Variants in P2RX3 observed in about 807,000 individuals in gnomAD.
The protein encoded by P2RX3 is P2X purinoceptor 3.
Under a neutral mutation model 51.5 loss-of-function variants are expected in P2RX3, and 41 were observed. The observed-to-expected ratio is 0.80, with a 90% CI of 0.62 to 1.03. P2RX3 has a LOEUF of 1.03. Ranked by LOEUF, P2RX3 falls within the 50% of genes least tolerant of loss-of-function variation. The pLI, the probability that P2RX3 is intolerant of heterozygous loss-of-function variation, is 0.00. For synonymous variants in P2RX3, 185 were observed against 191.6 expected, an observed-to-expected ratio of 0.97 and a Z score of 0.29; for missense variants, 459 against 522.1, an observed-to-expected ratio of 0.88 and a Z score of 1.18.
intron 8 of P2RX3, among the ~76,000 whole-genome samples, chr11:57,366,374 T>A (rs1246333435): frequency 6.6e-6 from 1 of 152,146 alleles, no homozygotes; most frequent in Admixed American, 6.5e-5. Flanking sequence ...CACTAACCCC[T>A]GTTTGTGGTG....
At chr11:57,349,251 A>G (rs1273921393) in intron 6 of P2RX3, among the ~76,000 whole-genome samples, 1 of 151,180 alleles carries the variant, frequency 6.6e-6, no homozygotes, top group Non-Finnish European at 1.5e-5. Flanking sequence ...TCACGAGGTC[A>G]GGAGTTTGCG....
At chr11:57,356,519 T>A (rs1426195363) in intron 8 of P2RX3, among the ~76,000 whole-genome samples, 1 of 152,240 alleles carries the variant, frequency 6.6e-6, no homozygotes, top group Non-Finnish European at 1.5e-5. Flanking sequence ...TAGGTGTTTC[T>A]AGTGATCGTT....
rs1466239767 is a variant in P2RX3, at chr11:57,371,672, G to A, written c.*1675G>A. Among the ~76,000 whole-genome samples the A allele has an allele frequency of 6.6e-6, 1 of 152,230 alleles. No individual in the cohort carries two copies. Among genetic ancestry groups the A allele is most frequent in the Non-Finnish European group, 1.5e-5 (1 of 68,036 alleles). ...TAACCCACAGCCCCATGCCCAGGAT[G>A]GTGGGGCATATCTCCCCAGGGTCAG... On this transcript the variant is annotated 3_prime_UTR_variant, in exon 12 of 12. Coordinates refer to ENST00000263314, the MANE Select transcript of P2RX3 (RefSeq NM_002559.5).
At chr11:57,359,292 G>A (rs867921208) in intron 8 of P2RX3, among the ~76,000 whole-genome samples, 8 of 152,004 alleles carry the variant, frequency 5.3e-5, no homozygotes, top group African/African-American at 1.2e-4. Flanking sequence ...TGCCAGTGCC[G>A]CCCATTGACC....
At position 57,350,789 on chromosome 11, in the gene P2RX3, T is replaced by C; in HGVS notation, c.733T>C (p.Trp245Arg). The change falls in exon 8 of 12, where the codon TGG becomes CGG. Residue 245 changes from tryptophan to arginine, a missense_variant. By Grantham distance (101) the Trp-to-Arg change is moderately radical (BLOSUM62 -3). Transcript: ENST00000263314. ...TGGVLGIKIGWVCDLDKAWDQ... is the reference protein window; with the variant it reads ...TGGVLGIKIGRVCDLDKAWDQ... Reference sequence around the variant, plus strand: ...GGGAGTTCTGGGCATTAAGATCGGCTGGGTGTGCGACTTGGACAAGGCCTG... The same window carrying C: ...GGGAGTTCTGGGCATTAAGATCGGCCGGGTGTGCGACTTGGACAAGGCCTG... 6.2e-7 allele frequency: 1 copy of C among 1,613,828 alleles called. No homozygotes were observed. The highest frequency in any genetic ancestry group is 8.5e-7 in the Non-Finnish European group (1 of 1,179,956).
chr11:57,356,623 C>G (rs986237943), intron 8 of P2RX3, among the ~76,000 whole-genome samples: 1 of 152,196 alleles, frequency 6.6e-6, no homozygotes, highest in South Asian at 2.1e-4. Flanking sequence ...TCAGCAAGAT[C>G]TTAGGCCAAT....
chr11:57,346,861 A>G (rs975540000), intron 2 of P2RX3, among the ~76,000 whole-genome samples, 182 bp downstream of exon 2: 1 of 152,234 alleles, frequency 6.6e-6, no homozygotes, highest in African/African-American at 2.4e-5. Context: ...GGTGCTGGGC[A>G]TCAGGAAAGC....
chr11:57,350,953 A>T (rs960002614), intron 8 of P2RX3, 55 bp downstream of exon 8: 78 of 1,611,132 alleles, frequency 4.8e-5, no homozygotes, highest in Non-Finnish European at 6.3e-5. Context: ...TGTTAACGGC[A>T]ATGTTTATTG....
intron 8 of P2RX3, among the ~76,000 whole-genome samples, chr11:57,355,112 G>A (rs1168478093): frequency 2.0e-5 from 3 of 152,192 alleles, no homozygotes; most frequent in African/African-American, 4.8e-5. Flanking sequence ...AGGGCAGGGC[G>A]AGGAAGGGAG....
Position 57,338,476 on chromosome 11 carries a change from C to T in P2RX3, c.-75C>T. ...CCCTCCAGGTCGTGATCTCGTCTCC[C>T]TGTCCTGTAGGACCTCCCTCTCCTG... On this transcript the variant is annotated 5_prime_UTR_variant, in exon 1 of 12. Coordinates refer to ENST00000263314, the MANE Select transcript of P2RX3 (RefSeq NM_002559.5). 9.8e-7 allele frequency: 1 copy of T among 1,016,542 alleles called. No individual in the cohort carries two copies. The highest frequency in any genetic ancestry group is 1.5e-6 in the Non-Finnish European group (1 of 668,546). 63.0% of individuals were successfully genotyped at this position (1,016,542 alleles called of 1,614,324 possible). A position where few individuals can be genotyped will look rare whatever the true frequency, so the allele number is the denominator to read the frequency against.
At chr11:57,360,460 A>G (rs1333399046) in intron 8 of P2RX3, among the ~76,000 whole-genome samples, 1 of 151,926 alleles carries the variant, frequency 6.6e-6, no homozygotes, top group Admixed American at 6.6e-5. Flanking sequence ...CATTTACTCA[A>G]CCCCCTACTG....
chr11:57,352,978 T>C (rs545278483), intron 8 of P2RX3, among the ~76,000 whole-genome samples: 2 of 152,256 alleles, frequency 1.3e-5, no homozygotes, highest in East Asian at 3.9e-4. Flanking sequence ...AGCCCTGACA[T>C]TGGGGGACAT....
At chr11:57,344,628 G>A (rs1005153874) in intron 1 of P2RX3, among the ~76,000 whole-genome samples, 1 of 152,210 alleles carries the variant, frequency 6.6e-6, no homozygotes, top group Non-Finnish European at 1.5e-5. Context: ...GAGCCCGGGA[G>A]GCAGAGGTTG....
At chr11:57,339,617 G>A (rs1856300987) in intron 1 of P2RX3, among the ~76,000 whole-genome samples, 1 of 152,156 alleles carries the variant, frequency 6.6e-6, no homozygotes, top group Admixed American at 6.5e-5. Flanking sequence ...CCACACACTG[G>A]TGGGCACCAG....
At chr11:57,341,407 C>T (rs1288984769) in intron 1 of P2RX3, among the ~76,000 whole-genome samples, 1 of 152,194 alleles carries the variant, frequency 6.6e-6, no homozygotes, top group Non-Finnish European at 1.5e-5. Context: ...CTCAGCAACA[C>T]ACCACCTGGT....
rs184727237 is a variant in P2RX3 at position 57,371,011 on chromosome 11, A to G, written c.*1014A>G. 6.6e-6 allele frequency among the ~76,000 whole-genome samples: 1 copy of G among 152,342 alleles called. No individual in the cohort carries two copies. The highest frequency in any genetic ancestry group is 1.5e-5 in the Non-Finnish European group (1 of 68,020). On this transcript the variant is annotated 3_prime_UTR_variant, in exon 12 of 12. Transcript: ENST00000263314. The stretch of plus-strand genomic sequence containing the variant: ...TCTTAATAAGGTGCCCCATTTTCTA[A>G]GGTTAGAAGCTAAAGGGGCCTTTTA...
intron 8 of P2RX3, among the ~76,000 whole-genome samples, chr11:57,354,548 G>C (rs1302209282): frequency 6.6e-6 from 1 of 152,148 alleles, no homozygotes; most frequent in African/African-American, 2.4e-5. Context: ...TGTTGGCAAG[G>C]TTTCTGAGGC....
In P2RX3 at chr11:57,368,096, C is replaced by T. The variant is rs200102602; in HGVS notation, c.930C>T (p.Tyr310=). ...GCATCCGCTTCGACGTGCTGGTATA[C>T]GGGAATGTGAGTCCATGGGCCAGGC... ...AFGIRFDVLV[Y]GNAGKFNIIP... is the part of the protein sequence containing the mutation. The change falls in exon 9 of 12, where the codon TAC becomes TAT. Residue 310 remains tyrosine (Y), a synonymous_variant. Coordinates refer to ENST00000263314, the MANE Select transcript of P2RX3 (RefSeq NM_002559.5). 6,174 of 1,613,948 alleles carry T rather than the reference C, an allele frequency of 3.8e-3. 259 individuals are homozygous for T. The South Asian group carries it at 0.063, about 17-fold the overall frequency.
At chr11:57,353,844 C>CCG in intron 8 of P2RX3, among the ~76,000 whole-genome samples, 1 of 128,202 alleles carries the variant, frequency 7.8e-6, no homozygotes, top group Non-Finnish European at 1.7e-5. Flanking sequence ...CACTCCCCCC[C>CCG]CCCCGCCCCT....
Sources: gnomAD v4.1 joint callset for allele counts (sites outside exome capture counted in the v4.1 genomes callset) on GRCh38, gnomAD v4.1.1 for gene constraint, MANE v1.5 for transcripts, NCBI Gene and HGNC (gene_info 2026-07-23, HGNC 2026-07-21) for gene names.